Variants in SLC38A6 observed in about 807,000 individuals in gnomAD.
SLC38A6 encodes N system amino acid transporter NAT-1.
In SLC38A6, 73 loss-of-function variants were observed where a neutral mutation model predicts 65.0. The ratio of observed to expected loss-of-function variants is 1.12; its 90% CI spans 0.93 to 1.37. SLC38A6 has a LOEUF of 1.37. SLC38A6 is among the 40% of genes most tolerant of loss of function. The pLI, the probability that SLC38A6 is intolerant of heterozygous loss-of-function variation, is 0.00. For synonymous variants in SLC38A6, 183 were observed against 178.8 expected (o/e 1.02, Z -0.19); for missense variants, 561 against 531.1 (o/e 1.06, Z -0.55).
At chr14:61,039,274 T>C (rs982628315) in intron 8 of SLC38A6, among the ~76,000 whole-genome samples, 2 of 152,252 alleles carry the variant, frequency 1.3e-5, no homozygotes, top group African/African-American at 4.8e-5. Flanking sequence ...CTCAGATTTT[T>C]ACCTGTGAGC....
intron 3 of SLC38A6, among the ~76,000 whole-genome samples, chr14:60,998,287 G>A (rs945447885): frequency 2.0e-5 from 3 of 151,734 alleles, no homozygotes; most frequent in African/African-American, 4.8e-5. Flanking sequence ...TGCCATCCCC[G>A]CATCCTGTAC....
intron 3 of SLC38A6, among the ~76,000 whole-genome samples, chr14:60,995,323 C>G (rs1427604908): frequency 6.6e-6 from 1 of 152,126 alleles, no homozygotes; most frequent in Non-Finnish European, 1.5e-5. Context: ...CAACAACATG[C>G]ATAGACATGG....
At chr14:61,015,825 G>C in intron 3 of SLC38A6, 79 bp from the exon 4 acceptor site, 1 of 1,105,200 alleles carries the variant, frequency 9.0e-7, no homozygotes, top group South Asian at 1.6e-5. Flanking sequence ...TTAGTTTGTA[G>C]TAGGACCTGC....
intron 3 of SLC38A6, 63 bp downstream of exon 3, chr14:60,984,866 T>C (rs974304735): frequency 1.4e-6 from 2 of 1,415,016 alleles, no homozygotes; most frequent in Admixed American, 1.7e-5. Context: ...TATCTACATA[T>C]AGAACTGGAT....
At position 61,037,634 on chromosome 14, in the gene SLC38A6, G is replaced by C. The variant is rs2041489853; in HGVS notation, c.575G>C (p.Gly192Ala). 8 of 1,591,986 alleles carry C rather than the reference G, an allele frequency of 5.0e-6. No homozygotes were observed. The highest frequency in any genetic ancestry group is 6.9e-6 in the Non-Finnish European group (8 of 1,166,686). ...TACTGTTATTTTACAGGCTTTCTTG[G>C]CTACACAAGTAGTTTATCATTTTTC... ...LALLPKIGFL[G>A]YTSSLSFFFM... The change falls in exon 8 of 16, where the codon GGC becomes GCC. Residue 192 changes from glycine (G) to alanine (A), a missense_variant. Physicochemically the swap from Gly to Ala is moderately conservative, Grantham distance 60 (BLOSUM62 0). Coordinates refer to ENST00000267488, the MANE Select transcript of SLC38A6 (RefSeq NM_153811.3).
intron 15 of SLC38A6, among the ~76,000 whole-genome samples, chr14:61,072,578 G>T (rs1459450393): frequency 6.6e-6 from 1 of 152,134 alleles, no homozygotes; most frequent in African/African-American, 2.4e-5. Context: ...GTATGTCCAT[G>T]AATTCAACTG....
Position 61,002,361 on chromosome 14 carries a change from G to A in SLC38A6, c.311-13543G>A, listed in dbSNP as rs188384581. The stretch of plus-strand genomic sequence containing the variant: ...CAAAAAAAAAAGATCAGAGGAAAAT[G>A]ATAGAAAACACAAGAAAGACAAGAA... On this transcript the variant is annotated intron_variant, in intron 3 of 15. Transcript: ENST00000267488. 6.4e-4 allele frequency: 98 copies of A among 152,202 alleles called. 1 individual carries two copies. The highest frequency in any genetic ancestry group is 1.6e-3 in the African/African-American group (68 of 41,572). The allele number at this position is 152,202 out of a possible 1,614,324, so 9.4% of individuals were successfully genotyped here.
In SLC38A6 at chr14:60,982,688, T is replaced by C. The variant is rs776594001; in HGVS notation, c.236+50T>C. 38 of 1,557,050 alleles carry C rather than the reference T, an allele frequency of 2.4e-5. No individual in the cohort carries two copies. In the Admixed American group the frequency reaches 4.5e-4, roughly 19 times the overall value. On this transcript the variant is annotated intron_variant, in intron 2 of 15. Transcript: ENST00000267488. Reference sequence around the variant, plus strand: ...AATTTTTTTTTCCATTTTGATAATATACGGAGAAGTAGAGAGATAGATTCC... The same window carrying C: ...AATTTTTTTTTCCATTTTGATAATACACGGAGAAGTAGAGAGATAGATTCC...
intron 3 of SLC38A6, among the ~76,000 whole-genome samples, chr14:61,008,783 T>A (rs1471034583): frequency 2.0e-5 from 3 of 152,204 alleles, no homozygotes; most frequent in Admixed American, 6.5e-5. Flanking sequence ...GTATTATTTT[T>A]TGTGAACACA....
chr14:61,007,084 A>G (rs1202105994), intron 3 of SLC38A6, among the ~76,000 whole-genome samples: 9 of 152,148 alleles, frequency 5.9e-5, no homozygotes, highest in African/African-American at 1.7e-4. Flanking sequence ...CAAAAAACCA[A>G]ACACCACATG....
chr14:61,044,684 TG>T (rs570109956), intron 10 of SLC38A6, among the ~76,000 whole-genome samples: 129 of 152,298 alleles, frequency 8.5e-4, no homozygotes, highest in Non-Finnish European at 1.4e-3. Flanking sequence ...TTCACTTAAA[TG>T]GTAACTTTTT....
chr14:61,050,211 A>G (rs1055792283), intron 12 of SLC38A6, among the ~76,000 whole-genome samples: 1 of 152,210 alleles, frequency 6.6e-6, no homozygotes, highest in African/African-American at 2.4e-5. Flanking sequence ...TTATAAACAA[A>G]CAGCACAAAT....
intron 5 of SLC38A6, among the ~76,000 whole-genome samples, chr14:61,022,425 T>C (rs2040391611): frequency 1.3e-5 from 2 of 151,202 alleles, no homozygotes; most frequent in African/African-American, 4.8e-5. Context: ...AACATACTTA[T>C]TTGGGAGGAT....
chr14:61,005,287 T>A (rs1297802732), intron 3 of SLC38A6, among the ~76,000 whole-genome samples: 2 of 136,918 alleles, frequency 1.5e-5, no homozygotes, highest in African/African-American at 2.6e-5. Context: ...AGGGATGCCC[T>A]CTCTCACCAC....
intron 15 of SLC38A6, among the ~76,000 whole-genome samples, chr14:61,066,617 A>G (rs537503994): frequency 3.9e-4 from 59 of 152,338 alleles, no homozygotes; most frequent in Non-Finnish European, 8.1e-4. Flanking sequence ...TTGAGTGTAC[A>G]GTCATCCCTT....
At chr14:61,083,140 T>A (rs2043722183) in intron 16 of SLC38A6, among the ~76,000 whole-genome samples, 1 of 152,198 alleles carries the variant, frequency 6.6e-6, no homozygotes, top group Non-Finnish European at 1.5e-5. Flanking sequence ...TAGCAATGGA[T>A]TCCCTTGCCC....
intron 8 of SLC38A6, among the ~76,000 whole-genome samples, chr14:61,040,338 AT>A (rs71114180): frequency 0.066 from 8,938 of 134,694 alleles, 307 homozygotes; most frequent in Non-Finnish European, 0.1. Flanking sequence ...CGCCTGGATA[AT>A]TTTTTTTTTT....
intron 3 of SLC38A6, among the ~76,000 whole-genome samples, chr14:61,011,824 G>T (rs2039593848): frequency 6.6e-6 from 1 of 152,166 alleles, no homozygotes; most frequent in Non-Finnish European, 1.5e-5. Flanking sequence ...GTTCATCAGG[G>T]ATATTGGTCT....
chr14:61,038,917 GA>G (rs1019452668), intron 8 of SLC38A6, among the ~76,000 whole-genome samples: 76 of 152,106 alleles, frequency 5.0e-4, no homozygotes, highest in African/African-American at 1.8e-3. Flanking sequence ...TATTGAAAAA[GA>G]AAAAAACTAA....
Sources: gnomAD v4.1 joint callset for allele counts (sites outside exome capture counted in the v4.1 genomes callset) on GRCh38, gnomAD v4.1.1 for gene constraint, MANE v1.5 for transcripts, NCBI Gene and HGNC (gene_info 2026-07-23, HGNC 2026-07-21) for gene names.